CD99: variants seen among roughly 807,000 people sequenced by gnomAD.
CD99 encodes CD99 antigen.
A neutral mutation model predicts 28.4 loss-of-function variants in CD99; 19 were observed. That is an observed-to-expected ratio of 0.67 (90% confidence interval 0.47 to 0.98). CD99 has a LOEUF of 0.98. CD99 is among the 50% of genes least tolerant of loss of function. CD99 has a pLI of 0.00. For missense variants in CD99, 283 were observed against 248.8 expected (o/e 1.14, Z -0.92); for synonymous variants, 103 against 92.1 (o/e 1.12, Z -0.67).
intron 1 of CD99, among the ~76,000 whole-genome samples, chrX:2,696,320 T>C (rs1215308005): frequency 6.6e-6 from 1 of 152,248 alleles, no homozygotes; most frequent in Non-Finnish European, 1.5e-5. Flanking sequence ...GGATTGCTTG[T>C]GAATGTGGGC....
At chrX:2,698,196 T>G (rs1172506540) in intron 1 of CD99, among the ~76,000 whole-genome samples, 3 of 151,418 alleles carry the variant, frequency 2.0e-5, no homozygotes, top group Non-Finnish European at 4.4e-5. Flanking sequence ...TTTTTTTTTT[T>G]TTTTTTAGAC....
chrX:2,691,516 C>G (rs2047291248), intron 1 of CD99, 89 bp downstream of exon 1: 1 of 1,400,156 alleles, frequency 7.1e-7, no homozygotes, highest in Non-Finnish European at 9.7e-7. Flanking sequence ...TGGGGGCGCC[C>G]CGCGGGGACA....
intron 8 of CD99, 28 bp downstream of exon 8, chrX:2,726,401 C>T: frequency 7.4e-7 from 1 of 1,355,054 alleles, no homozygotes; most frequent in Non-Finnish European, 1.1e-6. Flanking sequence ...GGTGCCTCTC[C>T]TTCATGCCTT....
chrX:2,718,956 A>G (rs1417400775), intron 3 of CD99: 3 of 152,266 alleles, frequency 2.0e-5, no homozygotes, highest in Non-Finnish European at 4.4e-5. Flanking sequence ...GATAGCACCA[A>G]TGAGTAGGTG....
At chrX:2,691,959 CA>C (rs776233244) in intron 1 of CD99, 4 of 775,730 alleles carry the variant, frequency 5.2e-6, no homozygotes, top group South Asian at 4.1e-5. Context: ...TGAAAATGTT[CA>C]AAAATACTCT....
intron 1 of CD99, among the ~76,000 whole-genome samples, chrX:2,709,792 A>C (rs941692940): frequency 1.3e-5 from 2 of 152,040 alleles, no homozygotes; most frequent in African/African-American, 2.4e-5. Flanking sequence ...AAAATCCAAA[A>C]TGTGGCTTGG....
At chrX:2,699,545 G>A (rs1401217865) in intron 1 of CD99, among the ~76,000 whole-genome samples, 6 of 148,132 alleles carry the variant, frequency 4.1e-5, no homozygotes, top group African/African-American at 1.5e-4. Flanking sequence ...ATCTTGGCTC[G>A]CTGCAACCTC....
chrX:2,720,621 T>TA (rs1569441738), intron 5 of CD99, among the ~76,000 whole-genome samples, 197 bp downstream of exon 5: 2 of 12,698 alleles, frequency 1.6e-4, no homozygotes, highest in Non-Finnish European at 4.4e-4. Context: ...TTTAGTTTGC[T>TA]TTTTTTTTTT....
At chrX:2,716,016 AT>A (rs774911227) in intron 2 of CD99, among the ~76,000 whole-genome samples, 10,025 of 129,118 alleles carry the variant, frequency 0.078, 1,056 homozygotes, top group African/African-American at 0.25. Flanking sequence ...AGCCCTCTTC[AT>A]TTTTTTTTTT....
At chrX:2,693,166 C>T (rs1366687379) in intron 1 of CD99, among the ~76,000 whole-genome samples, 1 of 148,560 alleles carries the variant, frequency 6.7e-6, no homozygotes, top group Non-Finnish European at 1.5e-5. Flanking sequence ...TTTTTTTGGA[C>T]GGAGTTTCAC....
chrX:2,715,343 A>T (rs912784962), intron 2 of CD99: 1 of 152,190 alleles, frequency 6.6e-6, no homozygotes, highest in African/African-American at 2.4e-5. Context: ...TCTGAGATCA[A>T]GGTGTAGACA....
chrX:2,720,337 T>G lies in CD99; in HGVS notation c.194-19T>G. 1 of 1,613,358 alleles carries G rather than the reference T, an allele frequency of 6.2e-7. No homozygotes were observed. Among genetic ancestry groups the G allele is most frequent in the South Asian group, 1.1e-5 (1 of 91,038 alleles). Reference sequence around the variant, plus strand: ...ACTGCAAGGCACTTAAAATTGCAACTCTCATCTTTCACAAACAGACGACCC... The same window carrying G: ...ACTGCAAGGCACTTAAAATTGCAACGCTCATCTTTCACAAACAGACGACCC... On this transcript the variant is annotated intron_variant, in intron 4 of 9. Coordinates refer to ENST00000381192, the MANE Select transcript of CD99 (RefSeq NM_002414.5).
In CD99 at chrX:2,719,717, C is replaced by T; in HGVS notation, c.193+12C>T. 1.2e-6 allele frequency: 2 copies of T among 1,611,992 alleles called. No individual in the cohort carries two copies. The highest frequency in any genetic ancestry group is 2.2e-5 in the East Asian group (1 of 44,860). Reference sequence around the variant, plus strand: ...TGATGGAGAAAATGGTGAGTATTTTCCTTTAATCTCTTCTGCTGCTGATCT... The same window carrying T: ...TGATGGAGAAAATGGTGAGTATTTTTCTTTAATCTCTTCTGCTGCTGATCT... On this transcript the variant is annotated intron_variant, in intron 4 of 9. Transcript: ENST00000381192.
intron 8 of CD99, among the ~76,000 whole-genome samples, chrX:2,729,946 A>G (rs1038405499): frequency 2.0e-5 from 3 of 152,128 alleles, no homozygotes; most frequent in Non-Finnish European, 4.4e-5. Context: ...TGAGCCCAGG[A>G]GTTCAAGATC....
chrX:2,725,518 G>A (rs943750885), intron 7 of CD99, among the ~76,000 whole-genome samples: 1 of 152,188 alleles, frequency 6.6e-6, no homozygotes, highest in African/African-American at 2.4e-5. Context: ...AAACGCATTG[G>A]CAAATGCCCC....
Position 2,736,150 on chromosome X carries a change from C to T in CD99, c.476-2050C>T, listed in dbSNP as rs55711896. ...CCTGGAGGCGGAGGTTGCAGTGAGC[C>T]GAGATCGCGCCACTGCGTTCCAGCC... On this transcript the variant is annotated intron_variant, in intron 8 of 9. Transcript: ENST00000381192. 6.8e-3 allele frequency among the ~76,000 whole-genome samples: 1,020 copies of T among 148,934 alleles called. 14 individuals carry two copies. Among genetic ancestry groups the T allele is most frequent in the African/African-American group, 0.024 (967 of 40,346 alleles).
At chrX:2,706,483 C>T (rs5982836) in intron 1 of CD99, among the ~76,000 whole-genome samples, 29,938 of 152,118 alleles carry the variant, frequency 0.2, 3,217 homozygotes, top group Middle Eastern at 0.27. Flanking sequence ...CTACAATGTC[C>T]TGAAAGTTTC....
At position 2,704,055 on chromosome X, in the gene CD99, G is replaced by C. The variant is rs1603265012; in HGVS notation, c.68-10367G>C. 3.9e-5 allele frequency among the ~76,000 whole-genome samples: 6 copies of C among 152,250 alleles called. 1 individual carries two copies. The South Asian group carries it at 1.2e-3, about 32-fold the overall frequency. ...ATGCAGGCTCATGAGCCTCACCCCA[G>C]ACCACAGAACGAAAATGTCTGGGGG... On this transcript the variant is annotated intron_variant, in intron 1 of 9. Coordinates refer to ENST00000381192, the MANE Select transcript of CD99 (RefSeq NM_002414.5).
chrX:2,731,984 T>A (rs2049633943), intron 8 of CD99, among the ~76,000 whole-genome samples: 1 of 142,412 alleles, frequency 7.0e-6, no homozygotes, highest in African/African-American at 2.6e-5. Flanking sequence ...AAAAAAAAAA[T>A]TAGCTGAGTG....
Sources: allele counts gnomAD v4.1 joint callset (sites outside exome capture counted in the v4.1 genomes callset), GRCh38; gene constraint gnomAD v4.1.1; transcripts MANE v1.5; gene names NCBI Gene and HGNC (gene_info 2026-07-23, HGNC 2026-07-21).